DMD: variants seen among roughly 807,000 people sequenced by gnomAD.
DMD encodes dystrophin.
In DMD, 63 loss-of-function variants were observed where a neutral mutation model predicts 330.1. The observed-to-expected ratio is 0.19, with a 90% CI of 0.16 to 0.24. The LOEUF (loss-of-function observed/expected upper bound fraction) is 0.24. Among genes scored for constraint, DMD ranks in the 10% least tolerant of loss-of-function variants. The pLI, the probability that DMD is intolerant of heterozygous loss-of-function variation, is 1.00. For synonymous variants in DMD, 1,223 were observed against 959.8 expected, an observed-to-expected ratio of 1.27 and a Z score of -5.07; for missense variants, 3,344 against 2,684.1, an observed-to-expected ratio of 1.25 and a Z score of -5.43.
At chrX:33,092,912 C>T (rs971377828) in intron 1 of DMD, among the ~76,000 whole-genome samples, 4 of 110,298 alleles carry the variant, frequency 3.6e-5, no homozygotes, top group African/African-American at 1.3e-4. Flanking sequence ...CTTGCTCTGT[C>T]GCCCAGGCTG....
At chrX:33,021,037 A>T (rs1210151810) in intron 1 of DMD, among the ~76,000 whole-genome samples, 1 of 111,404 alleles carries the variant, frequency 9.0e-6, no homozygotes, top group Admixed American at 9.6e-5. Flanking sequence ...AGAGCTCAGA[A>T]AATACATCTG....
chrX:32,520,871 T>A (rs775875352), intron 17 of DMD, among the ~76,000 whole-genome samples: 4 of 104,747 alleles, frequency 3.8e-5, no homozygotes, highest in African/African-American at 1.4e-4. Flanking sequence ...TTTTCCCAAG[T>A]TGGGCTCTAA....
intron 2 of DMD, among the ~76,000 whole-genome samples, chrX:32,858,226 C>T (rs1049188220): frequency 1.8e-5 from 2 of 112,099 alleles, no homozygotes; most frequent in Non-Finnish European, 3.8e-5. Flanking sequence ...TTACACAGTG[C>T]CTGCAGGTTT....
intron 16 of DMD, among the ~76,000 whole-genome samples, chrX:32,548,684 C>T (rs1410964664): frequency 9.0e-6 from 1 of 111,386 alleles, no homozygotes; most frequent in Non-Finnish European, 1.9e-5. Flanking sequence ...CTTTAGTTTC[C>T]AAAGTTCTTC....
At chrX:32,012,661 G>C (rs1372752662) in intron 44 of DMD, among the ~76,000 whole-genome samples, 1 of 111,793 alleles carries the variant, frequency 8.9e-6, no homozygotes, top group African/African-American at 3.3e-5. Flanking sequence ...CAACCATGTA[G>C]TGGAGGCAGT....
At chrX:31,653,720 C>G (rs1333617238) in intron 54 of DMD, among the ~76,000 whole-genome samples, 1 of 111,533 alleles carries the variant, frequency 9.0e-6, no homozygotes, top group Non-Finnish European at 1.9e-5. Context: ...TTTGTAATAT[C>G]ACATCTAATA....
intron 60 of DMD, among the ~76,000 whole-genome samples, chrX:31,432,876 TATGATTTG>T (rs2064184461): frequency 8.9e-6 from 1 of 112,785 alleles, no homozygotes; most frequent in Non-Finnish European, 1.9e-5. Context: ...TATTTATTTT[TATGATTTG>T]ATATTTTATA....
chrX:33,121,991 C>T (rs771141924), intron 1 of DMD, among the ~76,000 whole-genome samples: 5 of 111,855 alleles, frequency 4.5e-5, no homozygotes, highest in African/African-American at 1.3e-4. Context: ...TTTGGGAGGC[C>T]GAGATGGGCA....
At chrX:32,685,374 G>C (rs981423096) in intron 9 of DMD, among the ~76,000 whole-genome samples, 2 of 111,625 alleles carry the variant, frequency 1.8e-5, no homozygotes, top group Admixed American at 1.9e-4. Flanking sequence ...TTAGGAAGCA[G>C]ATAATTGCCA....
At chrX:31,328,110 T>G (rs1203033797) in intron 61 of DMD, among the ~76,000 whole-genome samples, 2 of 112,308 alleles carry the variant, frequency 1.8e-5, no homozygotes, top group Non-Finnish European at 3.8e-5. Flanking sequence ...GTACCATGAT[T>G]TATTGAATAA....
intron 20 of DMD, among the ~76,000 whole-genome samples, chrX:32,486,405 C>G (rs1164152164): frequency 9.0e-6 from 1 of 111,558 alleles, no homozygotes; most frequent in African/African-American, 3.3e-5. Flanking sequence ...AATATAGTTT[C>G]TAGACCATTT....
intron 13 of DMD, among the ~76,000 whole-genome samples, chrX:32,593,181 G>A (rs976636260): frequency 8.9e-6 from 1 of 112,447 alleles, no homozygotes; most frequent in Non-Finnish European, 1.9e-5. Context: ...AGAGGTTTCT[G>A]GCTGGCAAAG....
In DMD at chrX:31,323,485, G is replaced by A. The variant is rs1163956005; in HGVS notation, c.9224+113C>T. On this transcript the variant is annotated intron_variant, in intron 62 of 78. Transcript: ENST00000357033. ...ATCCAAGCTTCCTCAGGAAAAAAAA[G>A]ACACAGGTATTGTAGGCCAGGCTAA... 4.7e-6 allele frequency: 3 copies of A among 640,469 alleles called. No homozygotes were observed. In the African/African-American group the frequency reaches 6.7e-5, roughly 14 times the overall value. 52.8% of individuals were successfully genotyped at this position (640,469 alleles called of 1,213,427 possible).
At chrX:33,077,986 A>T (rs2094871425) in intron 1 of DMD, among the ~76,000 whole-genome samples, 1 of 112,182 alleles carries the variant, frequency 8.9e-6, no homozygotes, top group South Asian at 3.7e-4. Flanking sequence ...AAGAATAATT[A>T]TTTTTCACTT....
intron 1 of DMD, among the ~76,000 whole-genome samples, chrX:33,179,905 G>A (rs1294419715): frequency 9.4e-6 from 1 of 105,913 alleles, no homozygotes; most frequent in Non-Finnish European, 1.9e-5. Context: ...GCAATGGCAC[G>A]ATCTCACCTC....
chrX:32,233,655 G>A (rs963895996), intron 43 of DMD, among the ~76,000 whole-genome samples: 2 of 93,791 alleles, frequency 2.1e-5, no homozygotes, highest in Non-Finnish European at 4.3e-5. Context: ...TTATTGAGAC[G>A]GAGCTTCGCT....
intron 16 of DMD, among the ~76,000 whole-genome samples, chrX:32,561,460 A>G (rs528351046): frequency 0.01 from 1,157 of 111,882 alleles, 20 homozygotes; most frequent in African/African-American, 0.036. Flanking sequence ...TTAGAGAAAA[A>G]GAAAAGAATA....
chrX:32,337,315 G>A (rs1410987838), intron 41 of DMD, among the ~76,000 whole-genome samples: 1 of 109,182 alleles, frequency 9.2e-6, no homozygotes, highest in Non-Finnish European at 1.9e-5. Flanking sequence ...AACGTAGATG[G>A]GGGGTGGATC....
At chrX:32,191,984 T>C (rs1313279365) in intron 44 of DMD, among the ~76,000 whole-genome samples, 1 of 111,979 alleles carries the variant, frequency 8.9e-6, no homozygotes, top group Non-Finnish European at 1.9e-5. Flanking sequence ...AAACTGAGGT[T>C]ACAAATACGA....
Sources: gnomAD v4.1 joint callset for allele counts (sites outside exome capture counted in the v4.1 genomes callset) on GRCh38, gnomAD v4.1.1 for gene constraint, MANE v1.5 for transcripts, NCBI Gene and HGNC (gene_info 2026-07-23, HGNC 2026-07-21) for gene names.